TRPC5: variants seen among roughly 807,000 people sequenced by gnomAD.
TRPC5 encodes the protein short transient receptor potential channel 5.
TRPC5 carries 9 observed loss-of-function variants against 56.5 expected under a neutral mutation model. That is an observed-to-expected ratio of 0.16 (90% CI 0.10 to 0.28). The LOEUF is 0.28. Ranked by LOEUF, TRPC5 falls within the 10% of genes least tolerant of loss-of-function variation. The pLI, the probability that TRPC5 is intolerant of heterozygous loss-of-function variation, is 1.00. For missense variants in TRPC5, 469 were observed against 748.9 expected (o/e 0.63, Z 4.36); for synonymous variants, 282 against 278.5 (o/e 1.01, Z -0.13).
At chrX:111,858,732 C>T (rs773685127) in intron 3 of TRPC5, among the ~76,000 whole-genome samples, 26 of 111,580 alleles carry the variant, frequency 2.3e-4, no homozygotes, top group African/African-American at 8.5e-4. Context: ...TTTACTGGAG[C>T]CCATTGTATG....
chrX:111,905,449 G>T, intron 3 of TRPC5, among the ~76,000 whole-genome samples: 1 of 112,024 alleles, frequency 8.9e-6, no homozygotes, highest in East Asian at 2.8e-4. Context: ...TGAATTACTT[G>T]TATTGATAAA....
At position 111,847,339 on chromosome X, in the gene TRPC5, C is replaced by T. The variant is rs1010020042; in HGVS notation, c.1475G>A (p.Arg492His). The change falls in exon 6 of 11, where the codon CGT becomes CAT. Residue 492 changes from arginine (R) to histidine (H), a missense_variant. Arg to His is a conservative substitution (Grantham distance 29). Transcript: ENST00000262839. ...FAISNILSSL[R>H]LISLFTANSH... The stretch of plus-strand genomic sequence containing the variant: ...GTTGGCTGTGAACAGGGATATGAGA[C>T]GCAACGAACTTAAAATGTTGGATAT... 4 of 1,211,228 alleles carry T rather than the reference C, an allele frequency of 3.3e-6. No individual in the cohort carries two copies. Among genetic ancestry groups the T allele is most frequent in the Admixed American group, 2.2e-5 (1 of 45,936 alleles).
At position 111,828,409 on chromosome X, in the gene TRPC5, C is replaced by T. The variant is rs973406891; in HGVS notation, c.1896+6512G>A. Among the ~76,000 whole-genome samples, 10 of 111,888 alleles carry T rather than the reference C, an allele frequency of 8.9e-5. No individual in the cohort carries two copies. The East Asian group carries it at 1.1e-3, about 13-fold the overall frequency. On this transcript the variant is annotated intron_variant, in intron 7 of 10. Transcript: ENST00000262839. ...GGTATTTCCCCTGTTGGCACTCATT[C>T]TCTCTCCTGCTGCCCTGTGAAGAGG...
chrX:112,002,558 C>A (rs750897309), intron 1 of TRPC5, among the ~76,000 whole-genome samples: 8 of 111,792 alleles, frequency 7.2e-5, no homozygotes, highest in Admixed American at 9.5e-5. Context: ...ACAAACAAAC[C>A]AACTCCAAGC....
intron 3 of TRPC5, among the ~76,000 whole-genome samples, chrX:111,883,977 G>A (rs1924353673): frequency 8.9e-6 from 1 of 112,679 alleles, no homozygotes; most frequent in Non-Finnish European, 1.9e-5. Flanking sequence ...GCCCAGTTAT[G>A]GCCTAGCCAT....
intron 1 of TRPC5, among the ~76,000 whole-genome samples, chrX:111,982,945 G>A (rs754083651): frequency 1.8e-5 from 2 of 111,177 alleles, no homozygotes; most frequent in African/African-American, 6.5e-5. Context: ...CCCTTCTGGA[G>A]GAACCTGCCC....
At chrX:111,911,333 A>G (rs761940512) in intron 3 of TRPC5, among the ~76,000 whole-genome samples, 2 of 112,118 alleles carry the variant, frequency 1.8e-5, no homozygotes, top group Non-Finnish European at 3.8e-5. Context: ...AGCTTTTCTT[A>G]TTTCCCACAA....
chrX:112,009,035 TC>T (rs1928922011), intron 1 of TRPC5, among the ~76,000 whole-genome samples: 1 of 111,604 alleles, frequency 9.0e-6, no homozygotes, highest in African/African-American at 3.3e-5. Flanking sequence ...TGCTTTGTTT[TC>T]TCAAATGCTG....
intron 3 of TRPC5, among the ~76,000 whole-genome samples, chrX:111,868,091 A>G (rs1479428518): frequency 1.8e-5 from 2 of 112,249 alleles, no homozygotes; most frequent in African/African-American, 6.5e-5. Flanking sequence ...TGGATGTCAA[A>G]CATTGTACTT....
intron 1 of TRPC5, among the ~76,000 whole-genome samples, chrX:112,034,238 A>G (rs990169573): frequency 9.1e-6 from 1 of 110,333 alleles, no homozygotes; most frequent in African/African-American, 3.3e-5. Flanking sequence ...AATCCTAACA[A>G]TATTAAGTTT....
intron 1 of TRPC5, among the ~76,000 whole-genome samples, chrX:112,027,402 C>T (rs960951062): frequency 8.9e-6 from 1 of 112,148 alleles, no homozygotes; most frequent in Non-Finnish European, 1.9e-5. Context: ...GGAGAAAACA[C>T]CCTCAGCCCT....
intron 1 of TRPC5, among the ~76,000 whole-genome samples, chrX:112,022,121 T>C (rs960438952): frequency 2.7e-5 from 3 of 112,201 alleles, no homozygotes; most frequent in African/African-American, 9.7e-5. Flanking sequence ...GTATACATTC[T>C]GGAGTATATA....
rs1007066264 is a variant in TRPC5, at chrX:111,912,336, A to T, written c.855T>A (p.His285Gln). The T allele has an allele frequency of 1.7e-6, 2 of 1,209,156 alleles. No individual in the cohort carries two copies. The highest frequency in any genetic ancestry group is 2.2e-6 in the Non-Finnish European group (2 of 894,446). Reference protein sequence around the residue: ...HSEELDPQKYHDLAKLKVAIK... With the variant: ...HSEELDPQKYQDLAKLKVAIK... The stretch of plus-strand genomic sequence containing the variant: ...TTGCCACCTTCAACTTGGCCAGGTC[A>T]TGGTACTTCTGAGGGTCAAGCTCTT... Residue 285 changes from histidine to glutamine, a missense_variant, in exon 3 of 11, where the codon CAT becomes CAA. Coordinates refer to ENST00000262839, the MANE Select transcript of TRPC5 (RefSeq NM_012471.3).
chrX:111,777,669 C>G (rs1945889274), intron 10 of TRPC5, among the ~76,000 whole-genome samples: 1 of 112,194 alleles, frequency 8.9e-6, no homozygotes, highest in Non-Finnish European at 1.9e-5. Flanking sequence ...TCTTTCTACT[C>G]TTTTCCTAGG....
intron 1 of TRPC5, among the ~76,000 whole-genome samples, chrX:112,074,515 C>A (rs752858437): frequency 9.1e-6 from 1 of 110,351 alleles, no homozygotes; most frequent in South Asian, 3.9e-4. Flanking sequence ...TTTTTAAAAT[C>A]TCCAAATCCT....
chrX:112,080,590 A>C (rs1930941346), intron 1 of TRPC5, among the ~76,000 whole-genome samples: 1 of 111,706 alleles, frequency 9.0e-6, no homozygotes, highest in Admixed American at 9.5e-5. Context: ...GGTTTCTTTT[A>C]TCCCAGACTA....
intron 3 of TRPC5, among the ~76,000 whole-genome samples, chrX:111,880,892 C>T (rs140808989): frequency 9.0e-6 from 1 of 111,723 alleles, no homozygotes; most frequent in Non-Finnish European, 1.9e-5. Context: ...CAGGCCAAGC[C>T]AGCATATATC....
chrX:112,078,126 T>G (rs1930878571), intron 1 of TRPC5, among the ~76,000 whole-genome samples: 1 of 111,701 alleles, frequency 9.0e-6, no homozygotes, highest in Admixed American at 9.5e-5. Context: ...CAGCTAAATT[T>G]TTGTCATGTT....
chrX:111,916,199 G>A (rs1216211203), intron 2 of TRPC5, among the ~76,000 whole-genome samples: 1 of 111,546 alleles, frequency 9.0e-6, no homozygotes, highest in African/African-American at 3.3e-5. Context: ...CACAATTTGG[G>A]TCAATATGAG....
Sources: allele counts gnomAD v4.1 joint callset (sites outside exome capture counted in the v4.1 genomes callset), GRCh38; gene constraint gnomAD v4.1.1; transcripts MANE v1.5; gene names NCBI Gene and HGNC (gene_info 2026-07-23, HGNC 2026-07-21).